RPL29: variants seen among roughly 807,000 people sequenced by gnomAD.
RPL29 encodes the protein large ribosomal subunit protein eL29.
A neutral mutation model predicts 7.2 loss-of-function variants in RPL29; 4 were observed. That is an observed-to-expected ratio of 0.55 (90% confidence interval 0.27 to 1.26). The LOEUF is 1.26. Among genes scored for constraint, RPL29 ranks in the 50% most tolerant of loss-of-function variants. The pLI is 0.11. For missense variants in RPL29, 148 were observed against 209.1 expected (o/e 0.71, Z 1.80); for synonymous variants, 73 against 72.8 (o/e 1.00, Z -0.01).
rs1424124871 is a variant in RPL29, at chr3:51,995,462, G to A, written c.-1C>T. On this transcript the variant is annotated 5_prime_UTR_variant, in exon 2 of 4. Coordinates refer to ENST00000294189, the MANE Select transcript of RPL29 (RefSeq NM_000992.3). ...TGGTGTGGTTCTTGGACTTGGCCAT[G>A]TCTGCACCTGGAAGACAAAAGTGGA... 2.0e-5 allele frequency: 33 copies of A among 1,613,932 alleles called. No homozygotes were observed. Among genetic ancestry groups the A allele is most frequent in the Non-Finnish European group, 2.6e-5 (31 of 1,180,028 alleles).
chr3:51,994,558 C>T (rs764110413), intron 3 of RPL29: 7 of 366,430 alleles, frequency 1.9e-5, no homozygotes, highest in Admixed American at 1.3e-4. Flanking sequence ...TTGTGATTCA[C>T]TCCACGGAAC....
chr3:51,995,525 G>GC lies in RPL29; in HGVS notation c.-8-57dup, dbSNP rs368169964. On this transcript the variant is annotated intron_variant, in intron 1 of 3. Coordinates refer to ENST00000294189, the MANE Select transcript of RPL29 (RefSeq NM_000992.3). Reference sequence around the variant, plus strand: ...GGGCTCGCCAGGCTGGGCCACCTCTGCCCCCCCCATTCTGGTCAGAATGAG... The same window carrying GC: ...GGGCTCGCCAGGCTGGGCCACCTCTGCCCCCCCCCATTCTGGTCAGAATGAG... 1,197 of 1,534,752 alleles carry GC rather than the reference G, an allele frequency of 7.8e-4. 3 individuals carry two copies. Among genetic ancestry groups the GC allele is most frequent in the South Asian group, 3.3e-3 (293 of 89,356 alleles).
chr3:51,994,799 G>A, intron 3 of RPL29: 1 of 702,524 alleles, frequency 1.4e-6, no homozygotes. Context: ...AAGCAAGGGA[G>A]ATAGCCAAAC....
chr3:51,995,230 G>A, intron 2 of RPL29, 124 bp from the exon 3 acceptor site: 1 of 1,010,944 alleles, frequency 9.9e-7, no homozygotes, highest in Non-Finnish European at 1.5e-6. Context: ...TGAGATATGG[G>A]AAACCCTTAC....
intron 3 of RPL29, 165 bp from the exon 4 acceptor site, chr3:51,994,291 C>G: frequency 2.2e-6 from 2 of 898,032 alleles, no homozygotes; most frequent in Admixed American, 2.9e-5. Flanking sequence ...TGTACCACCA[C>G]CCCAGGGAGC....
Position 51,995,104 on chromosome 3 carries a change from G to C in RPL29, c.40C>G (p.Arg14Gly). The C allele has an allele frequency of 6.2e-7, 1 of 1,601,010 alleles. No homozygotes were observed. The highest frequency in any genetic ancestry group is 8.5e-7 in the Non-Finnish European group (1 of 1,172,942). Reference sequence around the variant, plus strand: ...TTGATACCATTTCTGTGCCATTTTCGGGCTGTGGGAGAAAAAAAGGGAATT... The same window carrying C: ...TTGATACCATTTCTGTGCCATTTTCCGGCTGTGGGAGAAAAAAAGGGAATT... ...SKNHTTHNQS[R>G]KWHRNGIKKP... Residue 14 changes from arginine to glycine, a missense_variant and splice_region_variant, in exon 3 of 4, where the codon CGA becomes GGA. Coordinates refer to ENST00000294189, the MANE Select transcript of RPL29 (RefSeq NM_000992.3).
At chr3:51,995,229 G>C in intron 2 of RPL29, 123 bp from the exon 3 acceptor site, 1 of 1,010,716 alleles carries the variant, frequency 9.9e-7, no homozygotes, top group Non-Finnish European at 1.5e-6. Context: ...TTGAGATATG[G>C]GAAACCCTTA....
At chr3:51,995,677 A>G (rs1701305124) in intron 1 of RPL29, 180 bp downstream of exon 1, 1 of 593,314 alleles carries the variant, frequency 1.7e-6, no homozygotes, top group Non-Finnish European at 3.0e-6. Flanking sequence ...GGAAAGCTGC[A>G]TTCCCCAATA....
intron 2 of RPL29, 151 bp downstream of exon 2, chr3:51,995,274 A>G: frequency 1.0e-6 from 1 of 999,266 alleles, no homozygotes; most frequent in Non-Finnish European, 1.5e-6. Context: ...TCTCAAGTAG[A>G]TCTCTAAACC....
intron 3 of RPL29, chr3:51,994,355 A>C: frequency 1.9e-6 from 1 of 533,272 alleles, no homozygotes; most frequent in Non-Finnish European, 3.2e-6. Flanking sequence ...CAAAATTACA[A>C]GCTGCTTTGC....
intron 3 of RPL29, 170 bp downstream of exon 3, chr3:51,994,872 G>T: frequency 1.3e-6 from 1 of 768,764 alleles, no homozygotes; most frequent in Non-Finnish European, 2.4e-6. Flanking sequence ...GGAGACCAAG[G>T]AAAGCTTTAT....
intron 1 of RPL29, 39 bp from the exon 2 acceptor site, chr3:51,995,508 C>T: frequency 1.9e-6 from 3 of 1,601,282 alleles, no homozygotes; most frequent in Non-Finnish European, 2.6e-6. Context: ...AAGGGCTCGC[C>T]AGGCTGGGCC....
rs764395795 is a variant in RPL29 at position 51,993,721 on chromosome 3, CCTT to C, written c.*25_*27del. On this transcript the variant is annotated 3_prime_UTR_variant, in exon 4 of 4. Coordinates refer to ENST00000294189, the MANE Select transcript of RPL29 (RefSeq NM_000992.3). ...GGCGGGGGTGGGGGGTCGCACCAGT[CCTT>C]CTGTCCTCATGTTGGCAGAGATATC... 4.5e-6 allele frequency: 7 copies of C among 1,551,680 alleles called. No homozygotes were observed. The highest frequency in any genetic ancestry group is 2.7e-5 in the African/African-American group (2 of 73,530).
Position 51,993,672 on chromosome 3 carries a change from G to A in RPL29, c.*77C>T. The A allele has an allele frequency of 7.1e-7, 1 of 1,401,116 alleles. No homozygotes were observed. The highest frequency in any genetic ancestry group is 9.6e-7 in the Non-Finnish European group (1 of 1,038,550). The allele number at this position is 1,401,116 out of a possible 1,614,324, so 86.8% of individuals were successfully genotyped here. On this transcript the variant is annotated 3_prime_UTR_variant, in exon 4 of 4. Coordinates refer to ENST00000294189, the MANE Select transcript of RPL29 (RefSeq NM_000992.3). The stretch of plus-strand genomic sequence containing the variant: ...GTACAAATAGCACAGGAGGACCCCA[G>A]CCCCATGCAGATGGTAGCCCAGGGG...
chr3:51,995,125 G>C lies in RPL29; in HGVS notation c.38-19C>G, dbSNP rs779115397. 6.3e-7 allele frequency: 1 copy of C among 1,595,648 alleles called. No individual in the cohort carries two copies. The highest frequency in any genetic ancestry group is 1.7e-5 in the Admixed American group (1 of 58,114). ...TTTCGGGCTGTGGGAGAAAAAAAGG[G>C]AATTAAGCCAACAAAGAACTTTCCT... is the stretch of plus-strand genomic sequence containing the variant. On this transcript the variant is annotated intron_variant, in intron 2 of 3. Transcript: ENST00000294189.
intron 3 of RPL29, 37 bp from the exon 4 acceptor site, chr3:51,994,163 G>A: frequency 3.2e-6 from 5 of 1,552,056 alleles, no homozygotes; most frequent in Non-Finnish European, 4.4e-6. Context: ...CAGCATGTGG[G>A]TCCCCAAGTC....
intron 3 of RPL29, chr3:51,994,741 C>A: frequency 1.5e-6 from 1 of 686,940 alleles, no homozygotes; most frequent in South Asian, 1.5e-5. Context: ...GGGAATGTGC[C>A]CTGCACGCAC....
chr3:51,994,200 G>C lies in RPL29; in HGVS notation c.103-74C>G, dbSNP rs549707852. ...CTCCCTGCTGCCCCTCTCCATAGGG[G>C]TACCCAGCATTCTAAAGACAGCATC... On this transcript the variant is annotated intron_variant, in intron 3 of 3. Coordinates refer to ENST00000294189, the MANE Select transcript of RPL29 (RefSeq NM_000992.3). 2.1e-5 allele frequency: 32 copies of C among 1,495,708 alleles called. No individual in the cohort carries two copies. In the East Asian group the frequency reaches 3.2e-4, roughly 15 times the overall value. 92.7% of individuals were successfully genotyped at this position (1,495,708 alleles called of 1,614,324 possible). A position where few individuals can be genotyped will look rare whatever the true frequency, so the allele number is the denominator to read the frequency against.
chr3:51,994,521 G>A, intron 3 of RPL29: 1 of 334,708 alleles, frequency 3.0e-6, no homozygotes, highest in Non-Finnish European at 5.6e-6. Context: ...AGCCAAGGTG[G>A]GATATGGGGA....
Sources: allele counts gnomAD v4.1 joint callset, GRCh38; gene constraint gnomAD v4.1.1; transcripts MANE v1.5; gene names NCBI Gene and HGNC (gene_info 2026-07-23, HGNC 2026-07-21).